The following SHTN1 variants were observed in gnomAD, a reference collection of about 807,000 sequenced individuals.
The protein encoded by SHTN1 is shootin 1, also known as shootin-1.
SHTN1 carries 42 observed loss-of-function variants against 83.1 expected under a neutral mutation model. That is an observed-to-expected ratio of 0.51 (90% CI 0.39 to 0.65). SHTN1 has a LOEUF of 0.65. Ranked by LOEUF, SHTN1 falls within the 30% of genes least tolerant of loss-of-function variation. SHTN1 has a pLI of 0.00. For synonymous variants in SHTN1, 224 were observed against 247.7 expected (o/e 0.90, Z 0.90); for missense variants, 622 against 737.8 (o/e 0.84, Z 1.82).
intron 2 of SHTN1, among the ~76,000 whole-genome samples, chr10:117,048,288 T>C (rs1852696010): frequency 6.6e-6 from 1 of 152,148 alleles, no homozygotes; most frequent in South Asian, 2.1e-4. Context: ...TCTGGATAAA[T>C]AAAAGCTCTT....
chr10:116,983,947 T>C (rs972921222), intron 1 of SHTN1, among the ~76,000 whole-genome samples: 1 of 152,180 alleles, frequency 6.6e-6, no homozygotes, highest in African/African-American at 2.4e-5. Flanking sequence ...AAAAGGAGTT[T>C]TCTTTCCAAG....
At chr10:116,932,213 C>CA (rs1343661194) in intron 9 of SHTN1, among the ~76,000 whole-genome samples, 5 of 152,192 alleles carry the variant, frequency 3.3e-5, no homozygotes, top group African/African-American at 1.2e-4. Context: ...CAGGGTTCCC[C>CA]AACCCCCAGG....
chr10:116,889,718 C>T (rs2133300502), intron 16 of SHTN1, among the ~76,000 whole-genome samples: 1 of 152,320 alleles, frequency 6.6e-6, no homozygotes, highest in Admixed American at 6.5e-5. Flanking sequence ...GCATCTTCTC[C>T]TAGAAACAGG....
At position 117,094,961 on chromosome 10, in the gene SHTN1, G is replaced by A. The variant is rs139546820; in HGVS notation, c.-189+31346C>T. Reference sequence around the variant, plus strand: ...GGAAAACATTAATGACGCTGACATCGGAGACAATTAGACAGTGTCAGCCAA... The same window carrying A: ...GGAAAACATTAATGACGCTGACATCAGAGACAATTAGACAGTGTCAGCCAA... On this transcript the variant is annotated intron_variant, in intron 1 of 17. Transcript: ENST00000392901. Among the ~76,000 whole-genome samples the A allele has an allele frequency of 4.6e-5, 7 of 152,252 alleles. No homozygotes were observed. The East Asian group carries it at 9.7e-4, about 21-fold the overall frequency.
intron 2 of SHTN1, among the ~76,000 whole-genome samples, chr10:117,024,860 A>G (rs1447638692): frequency 6.6e-6 from 1 of 152,202 alleles, no homozygotes; most frequent in Non-Finnish European, 1.5e-5. Context: ...AAAAATGTTA[A>G]TTGTAGAATC....
At chr10:117,005,266 G>A (rs1564927864), upstream of SHTN1, 6 of 1,442,948 alleles carry the variant, frequency 4.2e-6, no homozygotes, top group South Asian at 8.4e-5. Context: ...CCTACTCGGC[G>A]GCTGCGGCCG....
rs1847072111 is a variant in SHTN1, at chr10:116,883,211, A to G, written c.*3133T>C. On this transcript the variant is annotated 3_prime_UTR_variant, in exon 17 of 17. Coordinates refer to ENST00000355371, the MANE Select transcript of SHTN1 (RefSeq NM_001127211.3). ...CTCACCAATGGATAATTAGCATTTT[A>G]ATTTAAATTTCTTAGGGTGCTAGGC... is the stretch of plus-strand genomic sequence containing the variant. 2 of 152,298 alleles carry G rather than the reference A, an allele frequency of 1.3e-5. No homozygotes were observed. The highest frequency in any genetic ancestry group is 4.1e-4 in the South Asian group (2 of 4,826). The allele number at this position is 152,298 out of a possible 1,614,324, so 9.4% of individuals were successfully genotyped here. A position where few individuals can be genotyped will look rare whatever the true frequency, so the allele number is the denominator to read the frequency against.
chr10:116,971,992 GACATCAT>G (rs1239665465), intron 2 of SHTN1, among the ~76,000 whole-genome samples: 1 of 152,192 alleles, frequency 6.6e-6, no homozygotes, highest in Non-Finnish European at 1.5e-5. Context: ...GCCACCAGTT[GACATCAT>G]ACACAATCAC....
chr10:117,064,228 C>T (rs1852940525), intron 1 of SHTN1, among the ~76,000 whole-genome samples: 1 of 152,158 alleles, frequency 6.6e-6, no homozygotes, highest in Non-Finnish European at 1.5e-5. Flanking sequence ...GCTGTGGCTA[C>T]CAATTGGGCA....
chr10:117,020,514 A>T (rs1961311), intron 2 of SHTN1, among the ~76,000 whole-genome samples: 1 of 147,972 alleles, frequency 6.8e-6, no homozygotes, highest in African/African-American at 2.5e-5. Context: ...AAAAAAAAAA[A>T]CCCACACTTA....
intron 1 of SHTN1, among the ~76,000 whole-genome samples, chr10:117,104,672 G>C (rs1003180791): frequency 6.6e-6 from 1 of 152,148 alleles, no homozygotes; most frequent in African/African-American, 2.4e-5. Flanking sequence ...TACTCAGGAG[G>C]CTGAGGCAGG....
At chr10:117,077,762 A>G (rs1564951368) in intron 1 of SHTN1, among the ~76,000 whole-genome samples, 1 of 152,026 alleles carries the variant, frequency 6.6e-6, no homozygotes, top group Non-Finnish European at 1.5e-5. Context: ...GTTTGCTGAG[A>G]ATGATGGTTT....
At chr10:116,973,713 C>T (rs1017581714) in intron 2 of SHTN1, 9 of 336,698 alleles carry the variant, frequency 2.7e-5, no homozygotes, top group Non-Finnish European at 5.3e-5. Flanking sequence ...TCCTAAGGAA[C>T]GTACAGCAGA....
chr10:116,985,540 G>C (rs1289144040), intron 1 of SHTN1, among the ~76,000 whole-genome samples: 1 of 152,072 alleles, frequency 6.6e-6, no homozygotes, highest in Non-Finnish European at 1.5e-5. Flanking sequence ...GTTAAATTAA[G>C]GAAGAAGGAA....
chr10:116,946,464 C>T (rs1258438422), intron 7 of SHTN1, among the ~76,000 whole-genome samples: 1 of 139,650 alleles, frequency 7.2e-6, no homozygotes, highest in African/African-American at 2.6e-5. Flanking sequence ...TATGTATATA[C>T]ATATGTATAA....
chr10:116,897,136 G>C (rs7076347), intron 16 of SHTN1, among the ~76,000 whole-genome samples: 8,721 of 152,154 alleles, frequency 0.057, 801 homozygotes, highest in African/African-American at 0.19. Flanking sequence ...TACTTCTAAT[G>C]TAAAAAGGTC....
rs1317963486 is a variant in SHTN1, at chr10:116,901,892, C to T, written c.1546G>A (p.Val516Ile). The T allele has an allele frequency of 3.1e-6, 5 of 1,608,212 alleles. No homozygotes were observed. The South Asian group carries it at 4.4e-5, about 14-fold the overall frequency. The change falls in exon 16 of 17, where the codon GTA becomes ATA. Residue 516 changes from valine (V) to isoleucine (I), a missense_variant. By Grantham distance (29) the Val-to-Ile change is conservative. Around this residue, in one of 3 missense-constraint regions of SHTN1, gnomAD observed 231 missense variants for 251.6 expected, o/e 0.92. Transcript: ENST00000355371. ...SMPVLGSVSS[V>I]TKTALNKKTL... ...TTCTTGTTCAAGGCTGTTTTTGTTA[C>T]ACTGGATACAGAACCCAACACTGGC...
At chr10:116,995,958 T>C (rs1851613381) in intron 1 of SHTN1, among the ~76,000 whole-genome samples, 1 of 152,186 alleles carries the variant, frequency 6.6e-6, no homozygotes, top group East Asian at 1.9e-4. Context: ...GCTTGGCTTC[T>C]TAGCCTAAGG....
intron 2 of SHTN1, among the ~76,000 whole-genome samples, chr10:116,978,294 C>A (rs930431338): frequency 1.3e-5 from 2 of 152,032 alleles, no homozygotes; most frequent in Non-Finnish European, 2.9e-5. Context: ...ATTTAGCTTG[C>A]TGCCAGTTTT....
Sources: allele counts gnomAD v4.1 joint callset (sites outside exome capture counted in the v4.1 genomes callset), GRCh38; gene constraint gnomAD v4.1.1; regional missense constraint gnomAD v4.1.1; transcripts MANE v1.5; gene names NCBI Gene and HGNC (gene_info 2026-07-23, HGNC 2026-07-21).